ZFHX3: variants seen among roughly 807,000 people sequenced by gnomAD.
ZFHX3 encodes the protein zinc finger homeobox protein 3.
In ZFHX3, 42 loss-of-function variants were observed where a neutral mutation model predicts 279.1. That is an observed-to-expected ratio of 0.15 (90% CI 0.12 to 0.19). The LOEUF is 0.19. Ranked by LOEUF, ZFHX3 falls within the 10% of genes least tolerant of loss-of-function variation. The pLI is 1.00. For missense variants in ZFHX3, 4,981 were observed against 4,754.0 expected, an observed-to-expected ratio of 1.05 and a Z score of -1.40; for synonymous variants, 2,293 against 1,957.8, an observed-to-expected ratio of 1.17 and a Z score of -4.52.
chr16:73,068,154 C>A (rs1213873435), intron 8 of ZFHX3, among the ~76,000 whole-genome samples: 1 of 152,164 alleles, frequency 6.6e-6, no homozygotes, highest in Non-Finnish European at 1.5e-5. Flanking sequence ...ATGAGGAATA[C>A]CAGATTCAGA....
intron 5 of ZFHX3, among the ~76,000 whole-genome samples, chr16:73,164,086 C>A (rs866504541): frequency 3.3e-5 from 5 of 152,092 alleles, no homozygotes; most frequent in Admixed American, 2.0e-4. Context: ...TTATAGGGAG[C>A]CCACAGGAGA....
chr16:73,670,160 A>C (rs1419699462), intron 2 of ZFHX3, among the ~76,000 whole-genome samples: 1 of 152,176 alleles, frequency 6.6e-6, no homozygotes. Context: ...TTTTCCTGAG[A>C]AGTATCTCAA....
rs75914736 is a variant in ZFHX3 at position 72,915,376 on chromosome 16, G to T, written c.3217-25414C>A. Among the ~76,000 whole-genome samples, 1,510 of 152,246 alleles carry T rather than the reference G, an allele frequency of 9.9e-3. 29 individuals carry two copies. The highest frequency in any genetic ancestry group is 0.012 in the Non-Finnish European group (807 of 68,018). ...GACTCGCAGAACACATCAAACAGAA[G>T]GCTCTCGACACCCAGTGTCCGGGAT... is the stretch of plus-strand genomic sequence containing the variant. On this transcript the variant is annotated intron_variant, in intron 3 of 9. Transcript: ENST00000268489.
chr16:72,798,356 C>A lies in ZFHX3; in HGVS notation c.4326G>T (p.Gln1442His). 6.2e-7 allele frequency: 1 copy of A among 1,614,212 alleles called. No individual in the cohort carries two copies. Among genetic ancestry groups the A allele is most frequent in the Non-Finnish European group, 8.5e-7 (1 of 1,180,044 alleles). Residue 1442 changes from glutamine (Q) to histidine (H), a missense_variant, in exon 9 of 10, where the codon CAG becomes CAT. Physicochemically the swap from Gln to His is conservative, Grantham distance 24 (BLOSUM62 0). This residue lies in a region of ZFHX3 where 1,751 missense variants were observed against 1,770.0 expected (regional missense o/e 0.99). Transcript: ENST00000268489. ...TTGTCTCAAGGTGCTTCTTCAGAGCCTGGAAAGTTCGGAAACTGCGCTGAC... is the reference window on the plus strand; with the variant it reads ...TTGTCTCAAGGTGCTTCTTCAGAGCATGGAAAGTTCGGAAACTGCGCTGAC... ...CLCQRSFRTF[Q>H]ALKKHLETSH...
At chr16:73,272,672 CA>C (rs2014179848) in intron 4 of ZFHX3, among the ~76,000 whole-genome samples, 1 of 152,130 alleles carries the variant, frequency 6.6e-6, no homozygotes, top group African/African-American at 2.4e-5. Flanking sequence ...CTAGAATAAC[CA>C]ATCAATATTT....
intron 8 of ZFHX3, among the ~76,000 whole-genome samples, chr16:73,087,857 C>T (rs371691816): frequency 2.6e-5 from 4 of 151,354 alleles, no homozygotes; most frequent in Non-Finnish European, 4.4e-5. Flanking sequence ...GATGGAGTCT[C>T]GCTCTTGTCA....
intron 1 of ZFHX3, among the ~76,000 whole-genome samples, chr16:73,883,161 G>C (rs918757650): frequency 6.6e-6 from 1 of 151,912 alleles, no homozygotes; most frequent in African/African-American, 2.4e-5. Context: ...ATGACATTAA[G>C]ATGCTGACTT....
At chr16:73,315,218 A>G (rs1195346701) in intron 4 of ZFHX3, among the ~76,000 whole-genome samples, 1 of 143,538 alleles carries the variant, frequency 7.0e-6, no homozygotes, top group Non-Finnish European at 1.5e-5. Context: ...CATCTCAAAA[A>G]GAAAAAAAAA....
At chr16:73,752,036 C>G (rs2053766618) in intron 1 of ZFHX3, among the ~76,000 whole-genome samples, 1 of 152,140 alleles carries the variant, frequency 6.6e-6, no homozygotes, top group Admixed American at 6.6e-5. Flanking sequence ...CTCCAGGGCA[C>G]AGGCCTGGCC....
At chr16:73,321,732 G>A (rs2015578414) in intron 3 of ZFHX3, among the ~76,000 whole-genome samples, 1 of 152,190 alleles carries the variant, frequency 6.6e-6, no homozygotes, top group Non-Finnish European at 1.5e-5. Flanking sequence ...TCTGCTAGAT[G>A]TCTTTCCTTT....
At chr16:73,459,588 G>T (rs1229162379) in intron 2 of ZFHX3, among the ~76,000 whole-genome samples, 1 of 152,042 alleles carries the variant, frequency 6.6e-6, no homozygotes, top group East Asian at 1.9e-4. Flanking sequence ...GGCTGGTCTC[G>T]AACTCCTGGC....
intron 4 of ZFHX3, among the ~76,000 whole-genome samples, chr16:73,306,773 G>T (rs1271103315): frequency 1.3e-5 from 2 of 152,210 alleles, no homozygotes; most frequent in Non-Finnish European, 2.9e-5. Context: ...CCCTCCCACA[G>T]GGAATCAGAT....
intron 1 of ZFHX3, among the ~76,000 whole-genome samples, chr16:73,038,671 CT>C (rs1230883040): frequency 6.7e-6 from 1 of 149,572 alleles, no homozygotes; most frequent in Admixed American, 7.0e-5. Context: ...TACATATAAG[CT>C]TGTACTCTCT....
At chr16:73,289,994 G>A (rs1281379362) in intron 4 of ZFHX3, among the ~76,000 whole-genome samples, 1 of 146,728 alleles carries the variant, frequency 6.8e-6, no homozygotes, top group Non-Finnish European at 1.5e-5. Context: ...GAAGTGATAG[G>A]TATTAATTAG....
intron 8 of ZFHX3, among the ~76,000 whole-genome samples, chr16:73,082,831 A>G (rs1430107037): frequency 6.6e-6 from 1 of 152,172 alleles, no homozygotes; most frequent in Non-Finnish European, 1.5e-5. Flanking sequence ...ACATCACAAC[A>G]TTACTGGAAT....
At chr16:72,920,410 G>T (rs1334346515) in intron 3 of ZFHX3, among the ~76,000 whole-genome samples, 8 of 152,116 alleles carry the variant, frequency 5.3e-5, no homozygotes, top group Admixed American at 4.6e-4. Flanking sequence ...ACCAGGTGCA[G>T]TGGCTCATGC....
chr16:73,576,346 C>T lies in ZFHX3; in HGVS notation c.-1547+103834G>A, dbSNP rs555818817. The stretch of plus-strand genomic sequence containing the variant: ...CTCAGCTAATTAATGCGAGGTCACT[C>T]GAGGGCTGTGCAATGGTAGCTGGAA... On this transcript the variant is annotated intron_variant, in intron 2 of 17. Transcript: ENST00000641206. Among the ~76,000 whole-genome samples the T allele has an allele frequency of 2.6e-5, 4 of 152,252 alleles. No individual in the cohort carries two copies. The East Asian group carries it at 5.8e-4, about 22-fold the overall frequency.
chr16:73,319,752 T>A (rs2015535641), intron 3 of ZFHX3, among the ~76,000 whole-genome samples: 1 of 152,138 alleles, frequency 6.6e-6, no homozygotes. Flanking sequence ...GAAACCCCGC[T>A]TGAAAAAGCA....
At chr16:73,837,180 G>C (rs954820590) in intron 1 of ZFHX3, among the ~76,000 whole-genome samples, 1 of 152,220 alleles carries the variant, frequency 6.6e-6, no homozygotes, top group Non-Finnish European at 1.5e-5. Flanking sequence ...ATGAACCTAA[G>C]CCCAGTGCAC....
Sources: gnomAD v4.1 joint callset for allele counts (sites outside exome capture counted in the v4.1 genomes callset) on GRCh38, gnomAD v4.1.1 for gene constraint, gnomAD v4.1.1 regional missense constraint, MANE v1.5 for transcripts, NCBI Gene and HGNC (gene_info 2026-07-23, HGNC 2026-07-21) for gene names.